The following MTUS2 variants were observed in gnomAD, a reference collection of about 807,000 sequenced individuals.
MTUS2 encodes microtubule-associated tumor suppressor candidate 2.
Under a neutral mutation model 114.1 loss-of-function variants are expected in MTUS2, and 40 were observed. The ratio of observed to expected loss-of-function variants is 0.35; its 90% CI spans 0.27 to 0.46. The LOEUF is 0.46. Ranked by LOEUF, MTUS2 falls within the 20% of genes least tolerant of loss-of-function variation. The probability of loss-of-function intolerance (pLI) is 1.00; values close to 1 mark genes in which losing one functional copy is unlikely to be tolerated. For synonymous variants in MTUS2, 688 were observed against 672.0 expected (o/e 1.02, Z -0.37); for missense variants, 1,679 against 1,705.4 (o/e 0.98, Z 0.27).
intron 2 of MTUS2, among the ~76,000 whole-genome samples, chr13:28,846,976 TG>T (rs1433170630): frequency 6.6e-6 from 1 of 152,190 alleles, no homozygotes; most frequent in Non-Finnish European, 1.5e-5. Context: ...TTACACGTAA[TG>T]GGGATCCATA....
At chr13:29,373,483 A>G (rs9578095) in intron 8 of MTUS2, among the ~76,000 whole-genome samples, 30,962 of 152,130 alleles carry the variant, frequency 0.2, 3,259 homozygotes, top group Middle Eastern at 0.24. Context: ...ACGTGGGAAA[A>G]TGACCCCTTA....
At chr13:29,156,784 A>G (rs753456542) in intron 5 of MTUS2, among the ~76,000 whole-genome samples, 1 of 152,164 alleles carries the variant, frequency 6.6e-6, no homozygotes, top group African/African-American at 2.4e-5. Flanking sequence ...TTTTCCAAAT[A>G]TTCTGATACT....
intron 5 of MTUS2, among the ~76,000 whole-genome samples, chr13:29,214,617 G>A (rs1895603054): frequency 6.6e-6 from 1 of 152,146 alleles, no homozygotes; most frequent in South Asian, 2.1e-4. Flanking sequence ...CTTCACTTAT[G>A]AAGCTTAGTT....
intron 8 of MTUS2, among the ~76,000 whole-genome samples, chr13:29,361,062 A>G (rs1043194513): frequency 1.3e-5 from 2 of 152,182 alleles, no homozygotes; most frequent in Non-Finnish European, 2.9e-5. Flanking sequence ...CAGGGGAGAG[A>G]GTAACTGCCA....
chr13:29,076,715 A>G (rs1266928488), intron 4 of MTUS2, among the ~76,000 whole-genome samples: 2 of 152,182 alleles, frequency 1.3e-5, no homozygotes, highest in Non-Finnish European at 2.9e-5. Flanking sequence ...AGTATCCTTT[A>G]TGACCAAGAC....
chr13:29,181,298 T>C (rs1216141075), intron 5 of MTUS2, among the ~76,000 whole-genome samples: 1 of 152,162 alleles, frequency 6.6e-6, no homozygotes, highest in Non-Finnish European at 1.5e-5. Context: ...GCAAATGGTC[T>C]TCCTCAGGGA....
intron 2 of MTUS2, 66 bp from the exon 3 acceptor site, chr13:29,024,391 C>T (rs1016858238): frequency 1.6e-5 from 5 of 316,444 alleles, no homozygotes; most frequent in South Asian, 2.7e-4. Flanking sequence ...TCTGTGTTTA[C>T]CACTTTTTTC....
chr13:29,035,044 C>G (rs149731383), intron 4 of MTUS2, among the ~76,000 whole-genome samples: 2 of 152,108 alleles, frequency 1.3e-5, no homozygotes, highest in Non-Finnish European at 2.9e-5. Context: ...AAAATACCAC[C>G]GTGATACAGA....
intron 5 of MTUS2, among the ~76,000 whole-genome samples, chr13:29,274,632 G>A (rs1390141203): frequency 3.9e-5 from 6 of 152,094 alleles, no homozygotes; most frequent in Non-Finnish European, 2.9e-5. Context: ...ACCTTTTCAT[G>A]TACTTATTTC....
intron 5 of MTUS2, among the ~76,000 whole-genome samples, chr13:29,130,359 C>T (rs1476607898): frequency 6.6e-6 from 1 of 152,140 alleles, no homozygotes; most frequent in Non-Finnish European, 1.5e-5. Flanking sequence ...GCTCAAGCCA[C>T]TCCAGCCTCC....
intron 5 of MTUS2, among the ~76,000 whole-genome samples, chr13:29,196,696 A>G (rs1245986701): frequency 6.6e-6 from 1 of 152,162 alleles, no homozygotes; most frequent in African/African-American, 2.4e-5. Context: ...AGAGTGGAAC[A>G]TACAGTATTT....
chr13:29,462,655 T>C (rs1360854081), intron 9 of MTUS2, among the ~76,000 whole-genome samples: 1 of 152,002 alleles, frequency 6.6e-6, no homozygotes, highest in Admixed American at 6.5e-5. Context: ...GTTTGTTTTG[T>C]AAGGAAGACT....
chr13:29,145,939 T>C (rs1323831921), intron 5 of MTUS2, among the ~76,000 whole-genome samples: 1 of 152,190 alleles, frequency 6.6e-6, no homozygotes, highest in Non-Finnish European at 1.5e-5. Flanking sequence ...CAAAAGTTAT[T>C]TCTTTAAGGG....
intron 2 of MTUS2, among the ~76,000 whole-genome samples, chr13:28,887,052 GT>G (rs1028430768): frequency 1.3e-5 from 2 of 152,204 alleles, no homozygotes; most frequent in African/African-American, 2.4e-5. Context: ...TGAGGTTCGA[GT>G]TGGAGATCAG....
At chr13:28,932,737 T>G (rs900928701) in intron 2 of MTUS2, among the ~76,000 whole-genome samples, 67 of 152,276 alleles carry the variant, frequency 4.4e-4, no homozygotes, top group African/African-American at 1.5e-3. Flanking sequence ...CCACTGAGAT[T>G]TTGCATTTGT....
intron 8 of MTUS2, among the ~76,000 whole-genome samples, chr13:29,386,100 T>C (rs1463466579): frequency 1.3e-5 from 2 of 152,244 alleles, no homozygotes; most frequent in African/African-American, 4.8e-5. Flanking sequence ...ATGGAGAGAA[T>C]GCATTACTCA....
At chr13:29,036,691 CT>C (rs1244922797) in intron 4 of MTUS2, among the ~76,000 whole-genome samples, 1 of 152,116 alleles carries the variant, frequency 6.6e-6, no homozygotes. Flanking sequence ...CTGGGTGCTC[CT>C]GTATTAGGTG....
chr13:29,049,361 A>G (rs983682645), intron 4 of MTUS2, among the ~76,000 whole-genome samples: 1 of 152,164 alleles, frequency 6.6e-6, no homozygotes, highest in African/African-American at 2.4e-5. Flanking sequence ...GGGGCTGTAG[A>G]GCTTAGGGAG....
At chr13:29,407,472 T>G (rs1353830170) in intron 8 of MTUS2, among the ~76,000 whole-genome samples, 1 of 137,702 alleles carries the variant, frequency 7.3e-6, no homozygotes, top group Non-Finnish European at 1.6e-5. Flanking sequence ...ATTTATTTAT[T>G]TATTTATTTA....
Sources: allele counts gnomAD v4.1 joint callset (sites outside exome capture counted in the v4.1 genomes callset), GRCh38; gene constraint gnomAD v4.1.1; transcripts MANE v1.5; gene names NCBI Gene and HGNC (gene_info 2026-07-23, HGNC 2026-07-21).